The following PUS1 variants were observed in gnomAD, a reference collection of about 807,000 sequenced individuals.
PUS1 encodes the protein pseudouridine synthase 1.
In PUS1, 25 loss-of-function variants were observed where a neutral mutation model predicts 38.5. The ratio of observed to expected loss-of-function variants is 0.65; its 90% CI spans 0.47 to 0.91. PUS1 has a LOEUF of 0.91. Among genes scored for constraint, PUS1 ranks in the 40% least tolerant of loss-of-function variants. The pLI, the probability that PUS1 is intolerant of heterozygous loss-of-function variation, is 0.00. For synonymous variants in PUS1, 282 were observed against 260.4 expected (o/e 1.08, Z -0.80); for missense variants, 597 against 612.3 (o/e 0.97, Z 0.26).
At chr12:131,940,963 C>T (rs1381541081) in intron 4 of PUS1, 3 of 346,778 alleles carry the variant, frequency 8.7e-6, no homozygotes, top group South Asian at 8.6e-5. Context: ...TCAAATAGGG[C>T]AATTAGCATA....
At chr12:131,938,951 C>T (rs926083461) in intron 3 of PUS1, among the ~76,000 whole-genome samples, 3 of 152,138 alleles carry the variant, frequency 2.0e-5, no homozygotes, top group African/African-American at 7.2e-5. Context: ...TCATGTTAGC[C>T]AGGATAGTCT....
intron 5 of PUS1, among the ~76,000 whole-genome samples, chr12:131,942,476 G>T (rs954113875): frequency 1.3e-5 from 2 of 152,034 alleles, no homozygotes; most frequent in African/African-American, 4.8e-5. Flanking sequence ...GCGCGATCTC[G>T]GCTCACTGCA....
At chr12:131,935,143 C>T (rs977509851) in intron 3 of PUS1, among the ~76,000 whole-genome samples, 6 of 150,550 alleles carry the variant, frequency 4.0e-5, no homozygotes, top group African/African-American at 1.5e-4. Flanking sequence ...GAGGGATCCA[C>T]AAGTTCACTC....
intron 3 of PUS1, 86 bp from the exon 4 acceptor site, chr12:131,939,087 A>T (rs1055993493): frequency 1.2e-6 from 1 of 849,778 alleles, no homozygotes; most frequent in Non-Finnish European, 2.0e-6. Flanking sequence ...AAATGACGTA[A>T]GGTCCGCGTA....
chr12:131,944,014 A>T lies in PUS1; in HGVS notation c.*428A>T, dbSNP rs906210030. The T allele has an allele frequency of 3.2e-5, 8 of 249,518 alleles. No individual in the cohort carries two copies. Among genetic ancestry groups the T allele is most frequent in the Non-Finnish European group, 5.6e-5 (7 of 125,324 alleles). 15.5% of individuals were successfully genotyped at this position (249,518 alleles called of 1,614,324 possible). ...TGTAATCCCAGCACTTGGGAGGCTG[A>T]GGTGGGCAGATCGCTTGAGTACAGG... is the stretch of plus-strand genomic sequence containing the variant. On this transcript the variant is annotated 3_prime_UTR_variant, in exon 6 of 6. Transcript: ENST00000376649.
intron 3 of PUS1, among the ~76,000 whole-genome samples, chr12:131,937,705 T>C (rs1890891523): frequency 6.6e-6 from 1 of 152,192 alleles, no homozygotes; most frequent in South Asian, 2.1e-4. Flanking sequence ...GCTTTCTTTT[T>C]ATTTATCTTT....
At position 131,941,251 on chromosome 12, in the gene PUS1, T is replaced by C. The variant is rs759491267; in HGVS notation, c.545-41T>C. On this transcript the variant is annotated intron_variant, in intron 4 of 5. Transcript: ENST00000376649. The surrounding 1 kb of genome is among the most constrained non-coding windows in gnomAD (Gnocchi z 4.4). ...GGCTGCTCCCTGGTCATCCAGGCAC[T>C]TCTCACCTGCCTTTCTCCTCCCTGA... is the stretch of plus-strand genomic sequence containing the variant. 1.3e-6 allele frequency: 2 copies of C among 1,573,044 alleles called. No homozygotes were observed. The highest frequency in any genetic ancestry group is 1.1e-5 in the South Asian group (1 of 89,952).
In PUS1 at chr12:131,929,736, T is replaced by C. The variant is rs1445321741; in HGVS notation, c.14T>C (p.Leu5Pro). Residue 5 changes from leucine (L) to proline (P), a missense_variant, in exon 1 of 6, where the codon CTT (leucine) becomes CCT (proline). By Grantham distance (98) the Leu-to-Pro change is moderately conservative. Transcript: ENST00000376649. MGLQ[L>P]RALLGAFGRW... ...GGTAGCCTGCGCATGGGCCTCCAGCTTCGCGCGCTGTTGGGAGCCTTCGGA... is the reference window on the plus strand; with the variant it reads ...GGTAGCCTGCGCATGGGCCTCCAGCCTCGCGCGCTGTTGGGAGCCTTCGGA... The C allele has an allele frequency of 6.3e-7, 1 of 1,592,068 alleles. No individual in the cohort carries two copies. Among genetic ancestry groups the C allele is most frequent in the African/African-American group, 1.3e-5 (1 of 74,172 alleles).
At chr12:131,935,237 T>G (rs1471005247) in intron 3 of PUS1, among the ~76,000 whole-genome samples, 3 of 152,154 alleles carry the variant, frequency 2.0e-5, no homozygotes, top group African/African-American at 7.2e-5. Flanking sequence ...AGGTAGAGAG[T>G]TCTGTGGGTC....
Position 131,941,891 on chromosome 12 carries a change from C to T in PUS1, c.1144C>T (p.Arg382Trp), listed in dbSNP as rs776910715. The change falls in exon 5 of 6, where the codon CGG (arginine) becomes TGG (tryptophan). Residue 382 changes from arginine to tryptophan, a missense_variant. By Grantham distance (101) the Arg-to-Trp change is moderately radical (BLOSUM62 -3). Coordinates refer to ENST00000376649, the MANE Select transcript of PUS1 (RefSeq NM_025215.6). The surrounding 1 kb of genome is among the most constrained non-coding windows in gnomAD (Gnocchi z 4.4). Reference sequence around the variant, plus strand: ...CTACCCCACCATCATCGGCACCGAGCGGGACGAACGCTCCATGGCCCAGTG... The same window carrying T: ...CTACCCCACCATCATCGGCACCGAGTGGGACGAACGCTCCATGGCCCAGTG... ...HIYPTIIGTE[R>W]DERSMAQWLS... The T allele has an allele frequency of 1.4e-5, 22 of 1,613,390 alleles. No individual in the cohort carries two copies. Among genetic ancestry groups the T allele is most frequent in the East Asian group, 2.2e-5 (1 of 44,894 alleles).
In PUS1 at chr12:131,929,461, TG is replaced by T; in HGVS notation, c.-257del. On this transcript the variant is annotated 5_prime_UTR_variant, in exon 1 of 6. Coordinates refer to ENST00000376649, the MANE Select transcript of PUS1 (RefSeq NM_025215.6). ...GATCCGTCAGGGTCCCGGGGCGGTC[TG>T]GGGGCAGTAGAGACGGGGCTTGGGC... 4.7e-6 allele frequency: 2 copies of T among 424,890 alleles called. No homozygotes were observed. Among genetic ancestry groups the T allele is most frequent in the Non-Finnish European group, 8.3e-6 (2 of 241,018 alleles). 26.3% of individuals were successfully genotyped at this position (424,890 alleles called of 1,614,324 possible). A position where few individuals can be genotyped will look rare whatever the true frequency, so the allele number is the denominator to read the frequency against.
rs1379666830 is a variant in PUS1, at chr12:131,939,238, G to C, written c.507G>C (p.Lys169Asn). ...GGCTGATTGACGACATTCTAGAAAAGATCAACAGCCACCTTCCCTCTCACA... is the reference window on the plus strand; with the variant it reads ...GGCTGATTGACGACATTCTAGAAAACATCAACAGCCACCTTCCCTCTCACA... The part of the protein sequence containing the change: ...KVWLIDDILE[K>N]INSHLPSHIR... Residue 169 changes from lysine to asparagine, a missense_variant, in exon 4 of 6, where the codon AAG becomes AAC. Coordinates refer to ENST00000376649, the MANE Select transcript of PUS1 (RefSeq NM_025215.6). The C allele has an allele frequency of 6.4e-7, 1 of 1,560,840 alleles. No individual in the cohort carries two copies. The highest frequency in any genetic ancestry group is 8.7e-7 in the Non-Finnish European group (1 of 1,151,030).
intron 4 of PUS1, among the ~76,000 whole-genome samples, chr12:131,940,167 T>G (rs1022009762): frequency 2.7e-4 from 41 of 152,046 alleles, no homozygotes; most frequent in African/African-American, 9.9e-4. Flanking sequence ...AAGCTGGGAC[T>G]ACAGGCACAC....
At chr12:131,930,305 G>A (rs1890543782) in intron 2 of PUS1, among the ~76,000 whole-genome samples, 170 bp downstream of exon 2, 1 of 152,214 alleles carries the variant, frequency 6.6e-6, no homozygotes, top group Non-Finnish European at 1.5e-5. Flanking sequence ...CCTGCTGCAC[G>A]CGAGCTCCTG....
Position 131,929,537 on chromosome 12 carries a change from G to A in PUS1, c.-186G>A, listed in dbSNP as rs2136427879. 1 of 527,890 alleles carries A rather than the reference G, an allele frequency of 1.9e-6. No homozygotes were observed. Among genetic ancestry groups the A allele is most frequent in the African/African-American group, 2.0e-5 (1 of 49,700 alleles). 32.7% of individuals were successfully genotyped at this position (527,890 alleles called of 1,614,324 possible). A position where few individuals can be genotyped will look rare whatever the true frequency, so the allele number is the denominator to read the frequency against. On this transcript the variant is annotated 5_prime_UTR_variant, in exon 1 of 6. Transcript: ENST00000376649. ...AGCAGGAGTGAGGCTGGGGCGTCCA[G>A]GTCCGAGAGGTCAGGGGTCAGCTGG...
intron 2 of PUS1, among the ~76,000 whole-genome samples, chr12:131,930,339 T>A (rs1387034560): frequency 6.6e-6 from 1 of 152,222 alleles, no homozygotes; most frequent in African/African-American, 2.4e-5. Context: ...GGCCCGGCCC[T>A]GCCGCTAACC....
rs774127499 is a variant in PUS1, at chr12:131,941,411, T to C, written c.664T>C (p.Tyr222His). 5.0e-6 allele frequency: 8 copies of C among 1,614,202 alleles called. No individual in the cohort carries two copies. The highest frequency in any genetic ancestry group is 1.1e-5 in the South Asian group (1 of 91,088). ...GGACCGGGACGTTCAGGATGAGACC[T>C]ACCGCCTGAGCGCCGAGACGCTGCA... ...HKDRDVQDET[Y>H]RLSAETLQQV... Residue 222 changes from tyrosine to histidine, a missense_variant, in exon 5 of 6, where the codon TAC becomes CAC. Tyr to His is a moderately conservative substitution (Grantham distance 83). Coordinates refer to ENST00000376649, the MANE Select transcript of PUS1 (RefSeq NM_025215.6). This position sits in a 1 kb window ranked among gnomAD's most constrained non-coding sequence, Gnocchi z 4.4.
intron 3 of PUS1, among the ~76,000 whole-genome samples, chr12:131,936,663 C>T (rs145018960): frequency 2.3e-3 from 356 of 152,210 alleles, no homozygotes; most frequent in African/African-American, 7.5e-3. Flanking sequence ...CCAAAGTGGA[C>T]GGATCACTTG....
rs1242562160 is a variant in PUS1 at position 131,941,530 on chromosome 12, C to G, written c.783C>G (p.Arg261=). ...QKGPQDPSAC[R]YILEMYCEEP... ...GGCCGCAGGATCCCAGTGCCTGCCGCTACATCCTGGAGATGTACTGCGAGG... is the reference window on the plus strand; with the variant it reads ...GGCCGCAGGATCCCAGTGCCTGCCGGTACATCCTGGAGATGTACTGCGAGG... Residue 261 remains arginine, a synonymous_variant, in exon 5 of 6, where the codon CGC becomes CGG. Transcript: ENST00000376649. The surrounding 1 kb of genome is among the most constrained non-coding windows in gnomAD (Gnocchi z 4.4). The G allele has an allele frequency of 3.1e-6, 5 of 1,614,108 alleles. No individual in the cohort carries two copies. In the African/African-American group the frequency reaches 6.7e-5, roughly 22 times the overall value.
Sources: allele counts gnomAD v4.1 joint callset (sites outside exome capture counted in the v4.1 genomes callset), GRCh38; gene constraint gnomAD v4.1.1; non-coding constraint Gnocchi (gnomAD v3.1); transcripts MANE v1.5; gene names NCBI Gene and HGNC (gene_info 2026-07-23, HGNC 2026-07-21).